Variants in METTL15 observed in about 807,000 individuals in gnomAD.
METTL15 encodes the protein methyltransferase 15, mitochondrial 12S rRNA N4-cytidine, also known as 12S rRNA N(4)-cytidine methyltransferase METTL15.
In METTL15, 34 loss-of-function variants were observed where a neutral mutation model predicts 38.3. The ratio of observed to expected loss-of-function variants is 0.89; its 90% CI spans 0.68 to 1.18. METTL15 has a LOEUF of 1.18. METTL15 is among the 50% of genes most tolerant of loss of function. METTL15 has a pLI of 0.00. For missense variants in METTL15, 438 were observed against 498.4 expected (o/e 0.88, Z 1.15); for synonymous variants, 162 against 170.9 (o/e 0.95, Z 0.41).
chr11:28,293,556 T>C (rs1465706796), intron 5 of METTL15, among the ~76,000 whole-genome samples: 1 of 152,162 alleles, frequency 6.6e-6, no homozygotes. Context: ...TTTGGTTCCA[T>C]ATGAACTTTA....
chr11:28,132,574 G>GT (rs1374968106), intron 3 of METTL15, among the ~76,000 whole-genome samples: 6 of 152,066 alleles, frequency 3.9e-5, no homozygotes, highest in Middle Eastern at 3.4e-3. Context: ...CTGCTTTTAA[G>GT]TTTGTCTTGC....
At chr11:28,144,529 T>C (rs1849812273) in intron 3 of METTL15, among the ~76,000 whole-genome samples, 1 of 152,170 alleles carries the variant, frequency 6.6e-6, no homozygotes, top group African/African-American at 2.4e-5. Context: ...AGTGGTAATT[T>C]ACTGTCTTAT....
At chr11:28,299,506 A>G (rs1288988451) in intron 6 of METTL15, among the ~76,000 whole-genome samples, 1 of 152,122 alleles carries the variant, frequency 6.6e-6, no homozygotes, top group African/African-American at 2.4e-5. Flanking sequence ...ACAACAGTGA[A>G]CATTCTGGGC....
downstream of METTL15, among the ~76,000 whole-genome samples, chr11:28,528,681 C>T (rs535248609): frequency 4.7e-4 from 71 of 152,268 alleles, 1 homozygote; most frequent in South Asian, 5.4e-3. Context: ...TACTTTGCCA[C>T]GATTTTCCAA....
intron 6 of METTL15, among the ~76,000 whole-genome samples, chr11:28,298,966 G>T (rs949397390): frequency 4.6e-5 from 7 of 152,088 alleles, no homozygotes; most frequent in Non-Finnish European, 8.8e-5. Context: ...TACAACCTCT[G>T]TGTTTACAAA....
At chr11:28,352,502 G>A (rs1052995191) in intron 4 of METTL15, among the ~76,000 whole-genome samples, 1 of 152,308 alleles carries the variant, frequency 6.6e-6, no homozygotes, top group Non-Finnish European at 1.5e-5. Flanking sequence ...ATGTGTCCAG[G>A]AGGGAAAGAA....
intron 6 of METTL15, among the ~76,000 whole-genome samples, chr11:28,434,050 T>C (rs189769561): frequency 2.6e-5 from 4 of 152,204 alleles, no homozygotes; most frequent in Admixed American, 2.6e-4. Flanking sequence ...CCAAATCTCA[T>C]CTTGAATTGT....
intron 6 of METTL15, among the ~76,000 whole-genome samples, chr11:28,495,419 C>G (rs1222773812): frequency 6.6e-6 from 1 of 152,104 alleles, no homozygotes; most frequent in African/African-American, 2.4e-5. Context: ...TAATGAGAGT[C>G]CAGCTAATTT....
chr11:28,308,729 C>A (rs1417616645), intron 6 of METTL15, among the ~76,000 whole-genome samples: 2 of 152,040 alleles, frequency 1.3e-5, no homozygotes, highest in African/African-American at 4.8e-5. Flanking sequence ...ATCACCAAAG[C>A]ATGATAACGT....
chr11:28,241,555 A>AG (rs1565195617), intron 4 of METTL15, among the ~76,000 whole-genome samples: 2 of 151,850 alleles, frequency 1.3e-5, no homozygotes, highest in South Asian at 2.1e-4. Flanking sequence ...AAAAAAAAAA[A>AG]GAAAACCAGA....
At chr11:28,274,982 A>C (rs10835304) in intron 4 of METTL15, among the ~76,000 whole-genome samples, 6 of 151,172 alleles carry the variant, frequency 4.0e-5, no homozygotes, top group African/African-American at 1.2e-4. Flanking sequence ...ACTCAAAAAA[A>C]GGGAAGTTTA....
chr11:28,323,850 T>TGGA (rs1261705787), intron 6 of METTL15, among the ~76,000 whole-genome samples: 4 of 152,154 alleles, frequency 2.6e-5, no homozygotes, highest in African/African-American at 9.7e-5. Flanking sequence ...TGATCTGGAA[T>TGGA]GTGAGAATGG....
At chr11:28,405,198 G>A (rs1180828124) in intron 5 of METTL15, among the ~76,000 whole-genome samples, 1 of 152,000 alleles carries the variant, frequency 6.6e-6, no homozygotes, top group East Asian at 1.9e-4. Flanking sequence ...ACTATATTAT[G>A]TGCTCTCCTC....
chr11:28,365,367 G>A (rs1289230954), intron 5 of METTL15, among the ~76,000 whole-genome samples: 3 of 152,068 alleles, frequency 2.0e-5, no homozygotes, highest in Admixed American at 6.6e-5. Context: ...CTATTGGCCT[G>A]TTCACGTTTT....
chr11:28,501,061 G>A (rs533614138), intron 6 of METTL15, among the ~76,000 whole-genome samples: 1 of 152,204 alleles, frequency 6.6e-6, no homozygotes, highest in South Asian at 2.1e-4. Flanking sequence ...CCACTATCCT[G>A]CCTTTTAATA....
In METTL15 at chr11:28,290,388, A is replaced by C. The variant is rs753766827; in HGVS notation, c.590A>C (p.Asp197Ala). ...GATGGCCCTTTGGACATGAGAATGG[A>C]TGGTGGCAGGTGAGTATTCATAAAG... is the stretch of plus-strand genomic sequence containing the variant. ...RKDGPLDMRMDGGRYPDMPTA... is the reference protein window; with the variant it reads ...RKDGPLDMRMAGGRYPDMPTA... Residue 197 changes from aspartate (D) to alanine (A), a missense_variant, in exon 5 of 7, where the codon GAT becomes GCT. Transcript: ENST00000407364. The C allele has an allele frequency of 6.2e-7, 1 of 1,611,804 alleles. No homozygotes were observed. Among genetic ancestry groups the C allele is most frequent in the South Asian group, 1.1e-5 (1 of 90,818 alleles).
intron 3 of METTL15, among the ~76,000 whole-genome samples, chr11:28,202,852 T>G (rs1422549001): frequency 6.6e-6 from 1 of 152,158 alleles, no homozygotes; most frequent in Non-Finnish European, 1.5e-5. Flanking sequence ...TGAAAATGAC[T>G]AAGCAACATT....
At chr11:28,269,759 T>C (rs924575621) in intron 4 of METTL15, among the ~76,000 whole-genome samples, 1 of 152,212 alleles carries the variant, frequency 6.6e-6, no homozygotes, top group African/African-American at 2.4e-5. Context: ...TTGACTGTTT[T>C]TCCCCTGAAA....
At chr11:28,461,727 A>G (rs927769518) in intron 6 of METTL15, among the ~76,000 whole-genome samples, 1 of 152,110 alleles carries the variant, frequency 6.6e-6, no homozygotes, top group Non-Finnish European at 1.5e-5. Flanking sequence ...CATTAACAGT[A>G]TGCAATTTTC....
Sources: allele counts gnomAD v4.1 joint callset (sites outside exome capture counted in the v4.1 genomes callset), GRCh38; gene constraint gnomAD v4.1.1; transcripts MANE v1.5; gene names NCBI Gene and HGNC (gene_info 2026-07-23, HGNC 2026-07-21).